The following ZFAT variants were observed in gnomAD, a reference collection of about 807,000 sequenced individuals.
ZFAT encodes the protein zinc finger protein ZFAT.
Under a neutral mutation model 117.7 loss-of-function variants are expected in ZFAT, and 64 were observed. That is an observed-to-expected ratio of 0.54 (90% CI 0.44 to 0.67). The LOEUF is 0.67. Among genes scored for constraint, ZFAT ranks in the 30% least tolerant of loss-of-function variants. The pLI is 0.00. For synonymous variants in ZFAT, 679 were observed against 615.0 expected (o/e 1.10, Z -1.54); for missense variants, 1,433 against 1,584.5 (o/e 0.90, Z 1.62).
chr8:134,784,577 A>T, the ZFAT span: 14 of 152,170 alleles, frequency 9.2e-5, no homozygotes, highest in Non-Finnish European at 1.9e-4. Context: ...CTCAAGAAAT[A>T]TTCGAGTATC....
At chr8:134,774,826 A>C in the ZFAT span, among the ~76,000 whole-genome samples, 2 of 152,090 alleles carry the variant, frequency 1.3e-5, no homozygotes, top group African/African-American at 4.8e-5. Context: ...CTTTCTTTAG[A>C]ACACAGTCAG....
At chr8:134,699,547 T>C (rs900452801) in intron 1 of ZFAT, among the ~76,000 whole-genome samples, 1 of 152,156 alleles carries the variant, frequency 6.6e-6, no homozygotes, top group African/African-American at 2.4e-5. Flanking sequence ...TGGGAAGAGC[T>C]GACGGCCCAG....
At chr8:134,800,493 C>CT in the ZFAT span, 3 of 493,002 alleles carry the variant, frequency 6.1e-6, no homozygotes, top group Non-Finnish European at 1.3e-5. Context: ...CTTGCCAAAT[C>CT]TTTTATCAAT....
chr8:134,671,781 G>T (rs1344733638), intron 1 of ZFAT, among the ~76,000 whole-genome samples: 1 of 152,210 alleles, frequency 6.6e-6, no homozygotes, highest in Non-Finnish European at 1.5e-5. Context: ...AAGAAATAAA[G>T]TGTATTCAAT....
the ZFAT span, among the ~76,000 whole-genome samples, chr8:134,790,558 A>G: frequency 6.6e-5 from 10 of 152,148 alleles, no homozygotes; most frequent in Admixed American, 6.6e-4. Context: ...CCATTTCTCT[A>G]CCAAGAGTTG....
rs1829916278 is a variant in ZFAT at position 134,631,919 on chromosome 8, T to C, written c.448+5542A>G. On this transcript the variant is annotated intron_variant, in intron 3 of 15. Transcript: ENST00000377838. ...ATTTCAAAACACAAAGTTTTATTTT[T>C]TAAGGGGTTTTTGAGACTTTGAACT... Among the ~76,000 whole-genome samples the C allele has an allele frequency of 2.0e-5, 3 of 152,196 alleles. No individual in the cohort carries two copies. The South Asian group carries it at 6.2e-4, about 32-fold the overall frequency.
At chr8:134,541,636 G>A (rs535737069) in intron 11 of ZFAT, among the ~76,000 whole-genome samples, 35 of 152,272 alleles carry the variant, frequency 2.3e-4, no homozygotes, top group African/African-American at 8.4e-4. Flanking sequence ...AAGAAAAAAG[G>A]AAAGAAAAGG....
At chr8:134,831,639 C>A in the ZFAT span, among the ~76,000 whole-genome samples, 2 of 152,192 alleles carry the variant, frequency 1.3e-5, no homozygotes, top group Non-Finnish European at 2.9e-5. Flanking sequence ...AAACATTTCC[C>A]GAAAGCTTCC....
chr8:134,589,190 G>T, intron 8 of ZFAT, among the ~76,000 whole-genome samples: 1 of 152,194 alleles, frequency 6.6e-6, no homozygotes, highest in East Asian at 1.9e-4. Context: ...ATCAGCAAAG[G>T]TTAGCTGTTT....
chr8:134,572,657 A>C (rs1412504538), intron 10 of ZFAT, among the ~76,000 whole-genome samples: 1 of 152,202 alleles, frequency 6.6e-6, no homozygotes, highest in Non-Finnish European at 1.5e-5. Flanking sequence ...CTTGGGCAGG[A>C]TTTAATTTCT....
At chr8:134,752,731 G>T in the ZFAT span, among the ~76,000 whole-genome samples, 1 of 152,162 alleles carries the variant, frequency 6.6e-6, no homozygotes, top group Non-Finnish European at 1.5e-5. Context: ...CTTGTGCACA[G>T]CCATCTTTAT....
chr8:134,824,910 C>T, the ZFAT span, among the ~76,000 whole-genome samples: 1 of 152,310 alleles, frequency 6.6e-6, no homozygotes, highest in Admixed American at 6.5e-5. Flanking sequence ...AAAACTGGTA[C>T]AGTGCAGTGC....
chr8:134,657,136 G>A (rs1441541311), intron 2 of ZFAT, among the ~76,000 whole-genome samples: 1 of 152,174 alleles, frequency 6.6e-6, no homozygotes. Flanking sequence ...ATCATCTTAG[G>A]TCCTGTAGGC....
At chr8:134,556,708 T>C (rs1033866257) in intron 11 of ZFAT, among the ~76,000 whole-genome samples, 4 of 152,106 alleles carry the variant, frequency 2.6e-5, no homozygotes, top group African/African-American at 9.7e-5. Context: ...TTTTCAGAAA[T>C]GAAGACCACA....
the ZFAT span, among the ~76,000 whole-genome samples, chr8:134,817,149 G>A: frequency 1.3e-5 from 2 of 152,036 alleles, no homozygotes; most frequent in Non-Finnish European, 2.9e-5. Flanking sequence ...TGTGATTAAC[G>A]ATAACAATCA....
chr8:134,638,715 G>A (rs1443392890), intron 2 of ZFAT, among the ~76,000 whole-genome samples: 5 of 150,704 alleles, frequency 3.3e-5, no homozygotes, highest in East Asian at 2.0e-4. Flanking sequence ...GCAACAGAGC[G>A]AGACTCCATC....
chr8:134,795,463 A>C, the ZFAT span: 5 of 135,942 alleles, frequency 3.7e-5, no homozygotes, highest in African/African-American at 1.5e-4. Flanking sequence ...GTTAACAAGT[A>C]TAACAGTTAT....
chr8:134,533,443 C>T (rs1821583972), intron 11 of ZFAT, among the ~76,000 whole-genome samples: 1 of 152,240 alleles, frequency 6.6e-6, no homozygotes, highest in South Asian at 2.1e-4. Flanking sequence ...TACCACACAG[C>T]CTGCAAGTGC....
intron 11 of ZFAT, among the ~76,000 whole-genome samples, chr8:134,539,904 C>T (rs1205492097): frequency 6.6e-6 from 1 of 152,142 alleles, no homozygotes; most frequent in Non-Finnish European, 1.5e-5. Flanking sequence ...AGTGGAGTTA[C>T]CCTGGCCAAG....
Sources: allele counts gnomAD v4.1 joint callset (sites outside exome capture counted in the v4.1 genomes callset), GRCh38; gene constraint gnomAD v4.1.1; transcripts MANE v1.5; gene names NCBI Gene and HGNC (gene_info 2026-07-23, HGNC 2026-07-21).